The following FRMD4B variants were observed in gnomAD, a reference collection of about 807,000 sequenced individuals.
FRMD4B encodes the protein FERM domain-containing protein 4B.
Under a neutral mutation model 141.5 loss-of-function variants are expected in FRMD4B, and 74 were observed. The observed-to-expected ratio is 0.52, with a 90% CI of 0.43 to 0.63. The LOEUF (loss-of-function observed/expected upper bound fraction) is 0.63. Ranked by LOEUF, FRMD4B falls within the 30% of genes least tolerant of loss-of-function variation. The pLI is 0.00. For synonymous variants in FRMD4B, 506 were observed against 467.9 expected (o/e 1.08, Z -1.05); for missense variants, 1,366 against 1,253.4 (o/e 1.09, Z -1.36).
At position 69,249,507 on chromosome 3, in the gene FRMD4B, C is replaced by T. The variant is rs544758494; in HGVS notation, c.559-259G>A. Reference sequence around the variant, plus strand: ...GCACAGATAATTATTTCTCACTGTACGTTTTTAAGATCACATGATAAATGC... The same window carrying T: ...GCACAGATAATTATTTCTCACTGTATGTTTTTAAGATCACATGATAAATGC... On this transcript the variant is annotated intron_variant, in intron 6 of 22. Coordinates refer to ENST00000398540, the MANE Select transcript of FRMD4B (RefSeq NM_015123.3). 7.9e-4 allele frequency among the ~76,000 whole-genome samples: 121 copies of T among 152,232 alleles called. 1 individual carries two copies. Among genetic ancestry groups the T allele is most frequent in the Admixed American group, 4.6e-4 (7 of 15,286 alleles).
At chr3:69,375,868 T>C (rs945522086) in intron 1 of FRMD4B, among the ~76,000 whole-genome samples, 1 of 152,186 alleles carries the variant, frequency 6.6e-6, no homozygotes, top group African/African-American at 2.4e-5. Context: ...CTTTTCAGTA[T>C]ACACCATACA....
intron 1 of FRMD4B, among the ~76,000 whole-genome samples, chr3:69,433,337 C>A (rs1262911204): frequency 6.6e-6 from 1 of 152,212 alleles, no homozygotes; most frequent in South Asian, 2.1e-4. Context: ...GCTTTTCCCC[C>A]AGAAGCTCCA....
rs1290847829 is a variant in FRMD4B, at chr3:69,355,518, A to T, written c.162+30310T>A. Among the ~76,000 whole-genome samples the T allele has an allele frequency of 1.4e-4, 21 of 152,028 alleles. 1 individual carries two copies. Among genetic ancestry groups the T allele is most frequent in the Admixed American group, 1.4e-3 (21 of 15,260 alleles). ...TGAGAGAACTAGTGGGACATTTCTG[A>T]TTGTATGGTAAAAATGTTTTCACTG... On this transcript the variant is annotated intron_variant, in intron 1 of 22. Coordinates refer to ENST00000398540, the MANE Select transcript of FRMD4B (RefSeq NM_015123.3).
chr3:69,204,504 C>T (rs973817557), intron 11 of FRMD4B, among the ~76,000 whole-genome samples: 4 of 152,142 alleles, frequency 2.6e-5, no homozygotes, highest in Non-Finnish European at 5.9e-5. Context: ...TGGGGGATCC[C>T]TCTGCTATTA....
chr3:69,518,126 T>C (rs907057233), intron 1 of FRMD4B, among the ~76,000 whole-genome samples: 1 of 152,140 alleles, frequency 6.6e-6, no homozygotes, highest in Non-Finnish European at 1.5e-5. Context: ...TAGGAGACTT[T>C]TGGGGTGATA....
intron 2 of FRMD4B, among the ~76,000 whole-genome samples, chr3:69,417,211 C>G (rs1334532188): frequency 5.9e-5 from 9 of 152,212 alleles, no homozygotes; most frequent in Non-Finnish European, 1.3e-4. Context: ...TCTCCAGCAT[C>G]TGTTGTTTCC....
At chr3:69,523,717 G>A (rs1559553068) in intron 1 of FRMD4B, among the ~76,000 whole-genome samples, 1 of 152,126 alleles carries the variant, frequency 6.6e-6, no homozygotes, top group Non-Finnish European at 1.5e-5. Flanking sequence ...ACTAAGATTG[G>A]GGTTCTGTTA....
chr3:69,537,626 A>T (rs1379764524), intron 1 of FRMD4B, among the ~76,000 whole-genome samples: 1 of 151,996 alleles, frequency 6.6e-6, no homozygotes, highest in Non-Finnish European at 1.5e-5. Context: ...ATTGGAAAAT[A>T]AAGTAACTAC....
chr3:69,495,078 G>A (rs1269575748), intron 1 of FRMD4B, among the ~76,000 whole-genome samples: 5 of 152,140 alleles, frequency 3.3e-5, no homozygotes, highest in Non-Finnish European at 7.4e-5. Flanking sequence ...GTGGTTGCAA[G>A]GTATAGACTT....
chr3:69,474,888 T>A (rs1015557128), intron 1 of FRMD4B, among the ~76,000 whole-genome samples: 1 of 152,136 alleles, frequency 6.6e-6, no homozygotes. Context: ...AAAGAGAGGA[T>A]GCTAGGAAAG....
At chr3:69,422,721 G>A (rs1000627239) in intron 2 of FRMD4B, among the ~76,000 whole-genome samples, 3 of 152,082 alleles carry the variant, frequency 2.0e-5, no homozygotes, top group East Asian at 1.9e-4. Context: ...ATCTGTGGAC[G>A]CCAAAATTTG....
chr3:69,180,454 G>A (rs1263088206), intron 21 of FRMD4B, among the ~76,000 whole-genome samples: 1 of 152,024 alleles, frequency 6.6e-6, no homozygotes, highest in African/African-American at 2.4e-5. Flanking sequence ...GCTTACCTGA[G>A]GGTTTATTCT....
intron 1 of FRMD4B, among the ~76,000 whole-genome samples, chr3:69,324,210 G>T (rs980029153): frequency 1.3e-5 from 2 of 152,160 alleles, no homozygotes; most frequent in Non-Finnish European, 2.9e-5. Flanking sequence ...AACACTCAGG[G>T]TACAGGATGA....
chr3:69,280,763 G>C (rs1178352812), intron 5 of FRMD4B, among the ~76,000 whole-genome samples: 3 of 151,526 alleles, frequency 2.0e-5, no homozygotes, highest in Non-Finnish European at 4.4e-5. Flanking sequence ...TGGACCATAG[G>C]TACATGTCAC....
chr3:69,305,499 C>T (rs969444991), intron 3 of FRMD4B, among the ~76,000 whole-genome samples: 2 of 152,190 alleles, frequency 1.3e-5, no homozygotes, highest in African/African-American at 4.8e-5. Context: ...AAGACACATC[C>T]CAATTTCACA....
At chr3:69,540,325 A>G (rs1180974998) in intron 1 of FRMD4B, among the ~76,000 whole-genome samples, 1 of 150,338 alleles carries the variant, frequency 6.7e-6, no homozygotes, top group Admixed American at 6.6e-5. Context: ...ATTTATTAAA[A>G]ATATATAGGC....
At chr3:69,461,366 C>T (rs978566030) in intron 1 of FRMD4B, among the ~76,000 whole-genome samples, 1 of 146,546 alleles carries the variant, frequency 6.8e-6, no homozygotes, top group Non-Finnish European at 1.5e-5. Context: ...CGAGACCATC[C>T]TGGGAAACAT....
intron 3 of FRMD4B, among the ~76,000 whole-genome samples, chr3:69,310,757 GA>G (rs11349089): frequency 0.34 from 49,748 of 147,008 alleles, 9,193 homozygotes; most frequent in East Asian, 0.59. Flanking sequence ...AGGCAAAAGT[GA>G]AAAAAAAAAG....
At chr3:69,440,622 T>TG in intron 1 of FRMD4B, among the ~76,000 whole-genome samples, 1 of 152,134 alleles carries the variant, frequency 6.6e-6, no homozygotes, top group African/African-American at 2.4e-5. Flanking sequence ...CTGGCCAACG[T>TG]GGGGAAAACC....
Sources: gnomAD v4.1 joint callset for allele counts (sites outside exome capture counted in the v4.1 genomes callset) on GRCh38, gnomAD v4.1.1 for gene constraint, MANE v1.5 for transcripts, NCBI Gene and HGNC (gene_info 2026-07-23, HGNC 2026-07-21) for gene names.